CR1: variants seen among roughly 807,000 people sequenced by gnomAD.
CR1 encodes complement receptor type 1.
A neutral mutation model predicts 187.3 loss-of-function variants in CR1; 116 were observed. That is an observed-to-expected ratio of 0.62 (90% CI 0.53 to 0.72). CR1 has a LOEUF of 0.72. Among genes scored for constraint, CR1 ranks in the 30% least tolerant of loss-of-function variants. The pLI is 0.00. For missense variants in CR1, 1,731 were observed against 2,110.7 expected (o/e 0.82, Z 3.52); for synonymous variants, 576 against 747.1 (o/e 0.77, Z 3.73).
intron 4 of CR1, among the ~76,000 whole-genome samples, chr1:207,515,659 A>G (rs1388013473): frequency 6.6e-6 from 1 of 152,112 alleles, no homozygotes; most frequent in African/African-American, 2.4e-5. Flanking sequence ...GTTGTATTTC[A>G]TTGATGATCT....
At chr1:207,581,214 A>C (rs1222657935) in intron 31 of CR1, among the ~76,000 whole-genome samples, 2 of 145,922 alleles carry the variant, frequency 1.4e-5, no homozygotes, top group Non-Finnish European at 3.0e-5. Context: ...AGACGTATAC[A>C]TATGGACACG....
In CR1 at chr1:207,623,028, A is replaced by G; in HGVS notation, c.7312A>G (p.Ile2438Val). 1 of 1,581,394 alleles carries G rather than the reference A, an allele frequency of 6.3e-7. No homozygotes were observed. The highest frequency in any genetic ancestry group is 8.6e-7 in the Non-Finnish European group (1 of 1,160,956). ...TGGTACGATCTTCTTTATTTTACTC[A>G]TCATTTTCCTCTCTTGGATAATTCT... ...LSGTIFFILLIIFLSWIILKH... is the reference protein window; with the variant it reads ...LSGTIFFILLVIFLSWIILKH... The change falls in exon 45 of 47, where the codon ATC (isoleucine) becomes GTC (valine). Residue 2438 changes from isoleucine to valine, a missense_variant. By Grantham distance (29) the Ile-to-Val change is conservative. Coordinates refer to ENST00000367049, the MANE Select transcript of CR1 (RefSeq NM_000651.6).
chr1:207,609,823 T>C (rs1013563209), intron 37 of CR1, 135 bp downstream of exon 37: 1 of 908,518 alleles, frequency 1.1e-6, no homozygotes, highest in Non-Finnish European at 1.5e-6. Context: ...GTCTGTTATC[T>C]CTGTTAATAA....
At chr1:207,512,737 T>G (rs1420268312) in intron 4 of CR1, among the ~76,000 whole-genome samples, 1 of 152,240 alleles carries the variant, frequency 6.6e-6, no homozygotes, top group Non-Finnish European at 1.5e-5. Flanking sequence ...CCATCTTATT[T>G]GAAATCTGTA....
At chr1:207,500,493 C>T (rs1372886305) in intron 1 of CR1, among the ~76,000 whole-genome samples, 1 of 152,138 alleles carries the variant, frequency 6.6e-6, no homozygotes, top group Non-Finnish European at 1.5e-5. Flanking sequence ...GCACAGAATA[C>T]ATCAACTTGC....
intron 1 of CR1, among the ~76,000 whole-genome samples, chr1:207,500,473 T>C (rs1403738409): frequency 1.3e-5 from 2 of 152,222 alleles, no homozygotes; most frequent in Non-Finnish European, 2.9e-5. Flanking sequence ...ATGTGTTAAT[T>C]GTGCATATAG....
Position 207,611,777 on chromosome 1 carries a change from C to T in CR1, c.6396C>T (p.Ser2132=), listed in dbSNP as rs764660581. ...AAGTGTTCTACAGCTGTGAGCCCAG[C>T]TATGACCTCAGAGGGGCTGCGTCTC... ...GQEVFYSCEP[S]YDLRGAASLH... Residue 2132 remains serine (S), a synonymous_variant, in exon 38 of 47, where the codon AGC becomes AGT. Coordinates refer to ENST00000367049, the MANE Select transcript of CR1 (RefSeq NM_000651.6). 4 of 1,614,012 alleles carry T rather than the reference C, an allele frequency of 2.5e-6. No individual in the cohort carries two copies. In the Admixed American group the frequency reaches 6.7e-5, roughly 27 times the overall value.
At chr1:207,521,257 A>C (rs1318592746) in intron 4 of CR1, among the ~76,000 whole-genome samples, 1 of 152,086 alleles carries the variant, frequency 6.6e-6, no homozygotes, top group Non-Finnish European at 1.5e-5. Context: ...GATTACAGGC[A>C]TGAGCCACCG....
intron 35 of CR1, among the ~76,000 whole-genome samples, chr1:207,596,589 G>C (rs1199160549): frequency 1.3e-5 from 2 of 151,854 alleles, no homozygotes; most frequent in African/African-American, 4.8e-5. Context: ...ACCCCAGCCT[G>C]GGCAACAAGA....
intron 27 of CR1, among the ~76,000 whole-genome samples, chr1:207,573,435 A>T (rs1332068167): frequency 2.0e-5 from 3 of 152,072 alleles, no homozygotes; most frequent in African/African-American, 7.2e-5. Context: ...TCCTGACTGT[A>T]CCCTACTCAT....
intron 25 of CR1, 77 bp downstream of exon 25, chr1:207,568,119 T>C: frequency 6.2e-7 from 1 of 1,608,996 alleles, no homozygotes; most frequent in Non-Finnish European, 8.5e-7. Flanking sequence ...ATAATTACAG[T>C]GTAGTATTTA....
intron 5 of CR1, among the ~76,000 whole-genome samples, chr1:207,524,935 A>G (rs1421690736): frequency 1.3e-5 from 2 of 152,076 alleles, no homozygotes; most frequent in African/African-American, 4.8e-5. Context: ...TATAAAGAAA[A>G]GATGCTTACT....
chr1:207,525,542 A>C (rs558284384), intron 5 of CR1, among the ~76,000 whole-genome samples: 1 of 151,962 alleles, frequency 6.6e-6, no homozygotes, highest in Non-Finnish European at 1.5e-5. Flanking sequence ...CACTGAAGCC[A>C]TCTATACTGC....
At chr1:207,589,355 T>G (rs1661201316) in intron 35 of CR1, among the ~76,000 whole-genome samples, 1 of 152,150 alleles carries the variant, frequency 6.6e-6, no homozygotes, top group Admixed American at 6.5e-5. Flanking sequence ...CCAGCAGACC[T>G]GCAGCAGAGG....
At chr1:207,524,085 C>T in intron 5 of CR1, 76 bp downstream of exon 5, 1 of 1,611,258 alleles carries the variant, frequency 6.2e-7, no homozygotes. Context: ...AGTATTTGTT[C>T]AGGGGGAGGG....
At chr1:207,523,146 A>G (rs1415088356) in intron 4 of CR1, among the ~76,000 whole-genome samples, 1 of 152,208 alleles carries the variant, frequency 6.6e-6, no homozygotes, top group Non-Finnish European at 1.5e-5. Flanking sequence ...AAATATTCTC[A>G]TATACATAAA....
intron 37 of CR1, 125 bp downstream of exon 37, chr1:207,609,813 G>C: frequency 1.0e-6 from 1 of 957,664 alleles, no homozygotes. Flanking sequence ...TAGCTTCACT[G>C]TCTGTTATCT....
chr1:207,581,881 G>A, intron 31 of CR1, 37 bp from the exon 32 acceptor site: 1 of 1,381,842 alleles, frequency 7.2e-7, no homozygotes, highest in Middle Eastern at 1.8e-4. Context: ...AGAGAGAAAT[G>A]GTGCATTCAT....
intron 46 of CR1, among the ~76,000 whole-genome samples, chr1:207,636,442 G>T (rs56245865): frequency 0.24 from 35,943 of 151,780 alleles, 6,517 homozygotes; most frequent in African/African-American, 0.5. Context: ...AACTTGGGGT[G>T]TAATACAAAA....
Sources: allele counts gnomAD v4.1 joint callset (sites outside exome capture counted in the v4.1 genomes callset), GRCh38; gene constraint gnomAD v4.1.1; transcripts MANE v1.5; gene names NCBI Gene and HGNC (gene_info 2026-07-23, HGNC 2026-07-21).